SLC27A6: variants seen among roughly 807,000 people sequenced by gnomAD.
SLC27A6 encodes solute carrier family 27 member 6.
In SLC27A6, 74 loss-of-function variants were observed where a neutral mutation model predicts 63.9. That is an observed-to-expected ratio of 1.16 (90% CI 0.96 to 1.40). SLC27A6 has a LOEUF of 1.40. Ranked by LOEUF, SLC27A6 falls within the 40% of genes most tolerant of loss-of-function variation. SLC27A6 has a pLI of 0.00. For missense variants in SLC27A6, 794 were observed against 732.9 expected, an observed-to-expected ratio of 1.08 and a Z score of -0.96; for synonymous variants, 287 against 260.8, an observed-to-expected ratio of 1.10 and a Z score of -0.97.
chr5:128,966,548 C>T lies in SLC27A6; in HGVS notation c.411C>T (p.Thr137=). The change falls in exon 1 of 10, where the codon ACC becomes ACT. Residue 137 remains threonine, a synonymous_variant. Coordinates refer to ENST00000262462, the MANE Select transcript of SLC27A6 (RefSeq NM_001017372.3). ...KLGCVVAFLN[T]NIRSNSLLNC... is the part of the protein sequence containing the mutation. ...GCTGCGTGGTGGCCTTTCTCAACAC[C>T]AACATTCGCTCCAACTCCCTCCTGA... The T allele has an allele frequency of 6.3e-7, 1 of 1,581,722 alleles. No homozygotes were observed. The highest frequency in any genetic ancestry group is 8.6e-7 in the Non-Finnish European group (1 of 1,167,720).
Position 129,033,316 on chromosome 5 carries a change from T to A in SLC27A6, c.*34T>A. 7.4e-7 allele frequency: 1 copy of A among 1,355,614 alleles called. No homozygotes were observed. The highest frequency in any genetic ancestry group is 1.0e-6 in the Non-Finnish European group (1 of 987,468). The allele number at this position is 1,355,614 out of a possible 1,614,324, so 84.0% of individuals were successfully genotyped here. On this transcript the variant is annotated 3_prime_UTR_variant, in exon 10 of 10. Transcript: ENST00000262462. ...TATCTAGAACTTTCATATGCTTTCT[T>A]AGGAAGAGTGAGAGGGGGGTATATG...
chr5:128,990,310 C>G, intron 3 of SLC27A6, 30 bp from the exon 4 acceptor site: 6 of 1,601,976 alleles, frequency 3.7e-6, no homozygotes, highest in Non-Finnish European at 5.1e-6. Context: ...AATTTTTTTC[C>G]CTAGTGCCTG....
intron 4 of SLC27A6, among the ~76,000 whole-genome samples, chr5:129,000,910 G>T (rs1751310669): frequency 6.6e-6 from 1 of 152,174 alleles, no homozygotes; most frequent in Non-Finnish European, 1.5e-5. Flanking sequence ...AGGATAGAAA[G>T]CAGCTATTCA....
In SLC27A6 at chr5:128,983,134, G is replaced by A. The variant is rs539433453; in HGVS notation, c.482-1999G>A. Among the ~76,000 whole-genome samples, 7 of 152,012 alleles carry A rather than the reference G, an allele frequency of 4.6e-5. No individual in the cohort carries two copies. In the South Asian group the frequency reaches 1.5e-3, roughly 32 times the overall value. On this transcript the variant is annotated intron_variant, in intron 1 of 9. Transcript: ENST00000262462. ...ACCAGATACTGATTTATGTTTCCAG[G>A]GAAATGTTTAATGCAGAACTCTGAA...
chr5:128,975,631 G>A (rs914582228), intron 1 of SLC27A6, among the ~76,000 whole-genome samples: 13 of 152,148 alleles, frequency 8.5e-5, no homozygotes, highest in African/African-American at 3.1e-4. Context: ...TGTTGTATAT[G>A]CAGTCCCTCA....
In SLC27A6 at chr5:129,033,280, T is replaced by C. The variant is rs757079599; in HGVS notation, c.1858T>C (p.Ter620GlnextTer5). The change falls in exon 10 of 10, where the codon TAA becomes CAA. Residue 620 changes from the stop codon to glutamine, a stop_lost. Coordinates refer to ENST00000262462, the MANE Select transcript of SLC27A6 (RefSeq NM_001017372.3). Reference sequence around the variant, plus strand: ...AATAATGTTAGGGGAAATAAAACTTTAAGATTTTTATATCTAGAACTTTCA... The same window carrying C: ...AATAATGTTAGGGGAAATAAAACTTCAAGATTTTTATATCTAGAACTTTCA... The part of the protein sequence containing the change: ...DQIMLGEIKL[*>Q] 2.0e-6 allele frequency: 3 copies of C among 1,537,844 alleles called. No homozygotes were observed. Among genetic ancestry groups the C allele is most frequent in the African/African-American group, 2.8e-5 (2 of 71,856 alleles).
chr5:128,972,055 G>A (rs978347723), intron 1 of SLC27A6, among the ~76,000 whole-genome samples: 4 of 152,136 alleles, frequency 2.6e-5, no homozygotes, highest in African/African-American at 7.2e-5. Flanking sequence ...ATTCTGGGTT[G>A]AAAATTGTTT....
chr5:129,028,091 T>C (rs1178465918), intron 7 of SLC27A6, among the ~76,000 whole-genome samples: 2 of 152,100 alleles, frequency 1.3e-5, no homozygotes, highest in Admixed American at 1.3e-4. Context: ...TTATTTTATT[T>C]TTATGTATAT....
At chr5:129,029,503 A>G (rs1399281901) in intron 8 of SLC27A6, 74 bp from the exon 9 acceptor site, 2 of 1,000,580 alleles carry the variant, frequency 2.0e-6, no homozygotes, top group African/African-American at 1.6e-5. Flanking sequence ...ATGTGTGCCA[A>G]TTAGCATGTA....
intron 3 of SLC27A6, among the ~76,000 whole-genome samples, chr5:128,989,704 C>G (rs376937243): frequency 3.9e-4 from 59 of 152,114 alleles, no homozygotes; most frequent in African/African-American, 1.4e-3. Flanking sequence ...GCAGGTGGAT[C>G]ACGAGGTCAG....
At chr5:128,980,557 G>C (rs1031014194) in intron 1 of SLC27A6, among the ~76,000 whole-genome samples, 1 of 152,128 alleles carries the variant, frequency 6.6e-6, no homozygotes, top group Non-Finnish European at 1.5e-5. Flanking sequence ...CAATAATTTT[G>C]CCTACTTAAT....
At chr5:129,032,185 C>T (rs551541607) in intron 9 of SLC27A6, among the ~76,000 whole-genome samples, 3 of 152,112 alleles carry the variant, frequency 2.0e-5, no homozygotes, top group Admixed American at 1.3e-4. Flanking sequence ...AATACCTAAA[C>T]ATTTGTTTAT....
intron 4 of SLC27A6, among the ~76,000 whole-genome samples, chr5:129,002,500 C>G (rs1010862051): frequency 6.6e-6 from 1 of 150,522 alleles, no homozygotes; most frequent in East Asian, 2.1e-4. Context: ...TTCCTTCCCT[C>G]TCTCGTTCCC....
At chr5:128,981,112 A>AT (rs1750570004) in intron 1 of SLC27A6, among the ~76,000 whole-genome samples, 1 of 152,190 alleles carries the variant, frequency 6.6e-6, no homozygotes, top group Non-Finnish European at 1.5e-5. Flanking sequence ...AAAATATGTA[A>AT]TTTTTGAATG....
At chr5:129,019,337 A>G (rs1291920810) in intron 5 of SLC27A6, among the ~76,000 whole-genome samples, 1 of 152,050 alleles carries the variant, frequency 6.6e-6, no homozygotes, top group Non-Finnish European at 1.5e-5. Context: ...AACATAAAAT[A>G]CATAGATAAA....
chr5:129,013,040 A>G (rs924513878), intron 4 of SLC27A6, among the ~76,000 whole-genome samples: 1 of 151,692 alleles, frequency 6.6e-6, no homozygotes, highest in African/African-American at 2.4e-5. Context: ...TTTTGAAATA[A>G]TATTTTTATT....
intron 1 of SLC27A6, among the ~76,000 whole-genome samples, chr5:128,981,411 G>A (rs544618194): frequency 6.6e-5 from 10 of 152,004 alleles, no homozygotes; most frequent in African/African-American, 2.4e-4. Flanking sequence ...AACCTGGGTG[G>A]CGGAGGTTGT....
At chr5:129,023,285 G>T (rs182922438) in intron 5 of SLC27A6, among the ~76,000 whole-genome samples, 6 of 152,062 alleles carry the variant, frequency 3.9e-5, no homozygotes, top group Admixed American at 2.0e-4. Context: ...GCAGAAAATG[G>T]TCCTTTTGCC....
intron 4 of SLC27A6, among the ~76,000 whole-genome samples, chr5:128,996,621 CAA>C (rs1168488042): frequency 6.6e-6 from 1 of 151,884 alleles, no homozygotes; most frequent in Admixed American, 6.6e-5. Flanking sequence ...CTGAGGCTGA[CAA>C]GATGAAAATT....
Sources: gnomAD v4.1 joint callset for allele counts (sites outside exome capture counted in the v4.1 genomes callset) on GRCh38, gnomAD v4.1.1 for gene constraint, MANE v1.5 for transcripts, NCBI Gene and HGNC (gene_info 2026-07-23, HGNC 2026-07-21) for gene names.